CUL5: variants seen among roughly 807,000 people sequenced by gnomAD.
The protein encoded by CUL5 is cullin 5, also known as cullin-5.
A neutral mutation model predicts 108.8 loss-of-function variants in CUL5; 26 were observed. That is an observed-to-expected ratio of 0.24 (90% CI 0.18 to 0.33). The LOEUF (loss-of-function observed/expected upper bound fraction) is 0.33, where lower values mean the gene tolerates loss of function less well. Among genes scored for constraint, CUL5 ranks in the 10% least tolerant of loss-of-function variants. CUL5 has a pLI of 1.00. For synonymous variants in CUL5, 334 were observed against 298.0 expected (o/e 1.12, Z -1.25); for missense variants, 524 against 909.2 (o/e 0.58, Z 5.45).
chr11:108,059,948 T>C (rs1863494268), intron 7 of CUL5, among the ~76,000 whole-genome samples: 3 of 152,106 alleles, frequency 2.0e-5, no homozygotes, highest in Admixed American at 2.0e-4. Flanking sequence ...TATGTTACAT[T>C]AAGCATTTGA....
chr11:108,094,257 A>T, intron 13 of CUL5, 134 bp from the exon 14 acceptor site: 1 of 642,464 alleles, frequency 1.6e-6, no homozygotes, highest in Non-Finnish European at 2.6e-6. Context: ...TAGGTATTAG[A>T]CAATAAAATT....
rs536927087 is a variant in CUL5 at position 108,077,413 on chromosome 11, A to C, written c.1114-763A>C. Reference sequence around the variant, plus strand: ...TGTAATCCAGCACTTTGAGAGGCTGAGACAGGTGGATCACTTGAGGTCAGG... The same window carrying C: ...TGTAATCCAGCACTTTGAGAGGCTGCGACAGGTGGATCACTTGAGGTCAGG... On this transcript the variant is annotated intron_variant, in intron 10 of 18. Transcript: ENST00000393094. Among the ~76,000 whole-genome samples, 116 of 152,292 alleles carry C rather than the reference A, an allele frequency of 7.6e-4. 4 individuals are homozygous for C. In the South Asian group the frequency reaches 0.023, roughly 30 times the overall value.
At chr11:108,028,831 A>T (rs1329276785) in intron 1 of CUL5, among the ~76,000 whole-genome samples, 1 of 152,160 alleles carries the variant, frequency 6.6e-6, no homozygotes, top group Non-Finnish European at 1.5e-5. Context: ...CTCAAAAAAA[A>T]TAAAAAATAA....
chr11:108,029,038 A>G (rs938484575), intron 1 of CUL5, among the ~76,000 whole-genome samples: 1 of 152,148 alleles, frequency 6.6e-6, no homozygotes, highest in Admixed American at 6.5e-5. Flanking sequence ...TACATTAAGC[A>G]TGTTTCTATC....
At chr11:108,073,189 G>A (rs1863865928) in intron 9 of CUL5, among the ~76,000 whole-genome samples, 2 of 148,746 alleles carry the variant, frequency 1.3e-5, no homozygotes, top group African/African-American at 2.5e-5. Context: ...GCGACAGATC[G>A]AGACTCCGTC....
rs747012091 is a variant in CUL5, at chr11:108,089,478, T to C, written c.1312-14T>C. 1.6e-4 allele frequency: 242 copies of C among 1,530,640 alleles called. No individual in the cohort carries two copies. The highest frequency in any genetic ancestry group is 2.0e-4 in the Non-Finnish European group (228 of 1,141,708). 94.8% of individuals were successfully genotyped at this position (1,530,640 alleles called of 1,614,324 possible). ...AGTATATAAGAACTGAAAGTAACTTTATTTTTCATACAGCTCTTGGTACTT... is the reference window on the plus strand; with the variant it reads ...AGTATATAAGAACTGAAAGTAACTTCATTTTTCATACAGCTCTTGGTACTT... On this transcript the variant is annotated splice_polypyrimidine_tract_variant and intron_variant, in intron 12 of 18. Coordinates refer to ENST00000393094, the MANE Select transcript of CUL5 (RefSeq NM_003478.6).
intron 1 of CUL5, among the ~76,000 whole-genome samples, chr11:108,025,567 C>T (rs1032260040): frequency 7.2e-5 from 11 of 152,132 alleles, no homozygotes; most frequent in Non-Finnish European, 1.5e-4. Flanking sequence ...GGACTCTACC[C>T]AATGCCTGGC....
At chr11:108,056,761 TA>T (rs1436322144) in intron 7 of CUL5, among the ~76,000 whole-genome samples, 1 of 152,068 alleles carries the variant, frequency 6.6e-6, no homozygotes. Flanking sequence ...GGCAAGGTAT[TA>T]GGCAGACCAA....
At position 108,052,699 on chromosome 11, in the gene CUL5, A is replaced by G. The variant is rs1207448048; in HGVS notation, c.451A>G (p.Ile151Val). The G allele has an allele frequency of 5.0e-6, 8 of 1,612,862 alleles. No individual in the cohort carries two copies. Among genetic ancestry groups the G allele is most frequent in the Non-Finnish European group, 6.8e-6 (8 of 1,179,374 alleles). Reference protein sequence around the residue: ...DTWNESIFSNIKNRLQDSAMK... With the variant: ...DTWNESIFSNVKNRLQDSAMK... ...ATGGAATGAGTCAATCTTTTCAAAC[A>G]TAAAAAACAGACTCCAAGATAGTGC... Residue 151 changes from isoleucine (I) to valine (V), a missense_variant, in exon 5 of 19, where the codon ATA (isoleucine) becomes GTA (valine). Physicochemically the swap from Ile to Val is conservative, Grantham distance 29 (BLOSUM62 3). Coordinates refer to ENST00000393094, the MANE Select transcript of CUL5 (RefSeq NM_003478.6).
At chr11:108,047,621 TTATTG>T (rs1343737398) in intron 3 of CUL5, among the ~76,000 whole-genome samples, 8 of 152,220 alleles carry the variant, frequency 5.3e-5, no homozygotes, top group African/African-American at 1.9e-4. Flanking sequence ...ATTAAGTGTT[TTATTG>T]ATAGTTTCTT....
chr11:108,073,353 T>G, intron 9 of CUL5, 37 bp from the exon 10 acceptor site: 1 of 956,954 alleles, frequency 1.0e-6, no homozygotes, highest in South Asian at 1.6e-5. Context: ...TTATTCTTTT[T>G]CTTTTAAAAA....
At position 108,101,665 on chromosome 11, in the gene CUL5, T is replaced by G. The variant is rs375350556; in HGVS notation, c.2149-2525T>G. ...GTCACACTTGGGAACTGAGGGAGAG[T>G]CAGAAGTGCAGATTATTTCCCTCAT... On this transcript the variant is annotated intron_variant, in intron 18 of 18. Coordinates refer to ENST00000393094, the MANE Select transcript of CUL5 (RefSeq NM_003478.6). 3.3e-5 allele frequency among the ~76,000 whole-genome samples: 5 copies of G among 151,800 alleles called. No individual in the cohort carries two copies. In the East Asian group the frequency reaches 5.8e-4, roughly 18 times the overall value.
At chr11:108,024,288 G>A (rs903891618) in intron 1 of CUL5, among the ~76,000 whole-genome samples, 1 of 152,218 alleles carries the variant, frequency 6.6e-6, no homozygotes, top group Non-Finnish European at 1.5e-5. Flanking sequence ...CAGTGATCAT[G>A]CCTGTAATCC....
chr11:108,051,756 A>T (rs1003366327), intron 4 of CUL5, among the ~76,000 whole-genome samples: 1 of 152,224 alleles, frequency 6.6e-6, no homozygotes, highest in Non-Finnish European at 1.5e-5. Context: ...TTACAAACAT[A>T]TGCATATGTC....
intron 2 of CUL5, among the ~76,000 whole-genome samples, chr11:108,040,218 G>T (rs1386458280): frequency 1.3e-5 from 2 of 152,184 alleles, no homozygotes; most frequent in Admixed American, 6.5e-5. Flanking sequence ...GATGGCTCAT[G>T]CCTGTAATCC....
At chr11:108,096,564 CTTTTTTTTTT>C (rs71047671) in intron 16 of CUL5, among the ~76,000 whole-genome samples, 27 of 45,824 alleles carry the variant, frequency 5.9e-4, no homozygotes, top group African/African-American at 2.1e-3. Context: ...CAGCTATGTA[CTTTTTTTTTT>C]TTTTTTTTTT....
At chr11:108,049,408 C>T (rs1863154329) in intron 3 of CUL5, among the ~76,000 whole-genome samples, 1 of 151,958 alleles carries the variant, frequency 6.6e-6, no homozygotes. Flanking sequence ...GTGGTGCAAT[C>T]ATGGCTCACT....
intron 18 of CUL5, among the ~76,000 whole-genome samples, chr11:108,101,776 C>G (rs957128305): frequency 3.9e-5 from 6 of 152,214 alleles, no homozygotes; most frequent in Non-Finnish European, 8.8e-5. Flanking sequence ...CTTAGGTTCT[C>G]TAACTACCAC....
chr11:108,055,083 C>A, intron 7 of CUL5, 128 bp downstream of exon 7: 1 of 732,732 alleles, frequency 1.4e-6, no homozygotes, highest in Admixed American at 3.1e-5. Flanking sequence ...GTTCTTTTTG[C>A]CTATGAGCCA....
Sources: allele counts gnomAD v4.1 joint callset (sites outside exome capture counted in the v4.1 genomes callset), GRCh38; gene constraint gnomAD v4.1.1; transcripts MANE v1.5; gene names NCBI Gene and HGNC (gene_info 2026-07-23, HGNC 2026-07-21).